The following TSPAN9 variants were observed in gnomAD, a reference collection of about 807,000 sequenced individuals.
TSPAN9 encodes the protein tetraspanin-9.
A neutral mutation model predicts 31.0 loss-of-function variants in TSPAN9; 16 were observed. The observed-to-expected ratio is 0.52, with a 90% CI of 0.35 to 0.78. TSPAN9 has a LOEUF of 0.78. Among genes scored for constraint, TSPAN9 ranks in the 30% least tolerant of loss-of-function variants. The pLI is 0.01. For missense variants in TSPAN9, 272 were observed against 312.5 expected, an observed-to-expected ratio of 0.87 and a Z score of 0.98; for synonymous variants, 145 against 121.6, an observed-to-expected ratio of 1.19 and a Z score of -1.27.
chr12:3,201,597 C>T (rs2098371871), intron 3 of TSPAN9, among the ~76,000 whole-genome samples: 1 of 152,176 alleles, frequency 6.6e-6, no homozygotes, highest in Admixed American at 6.5e-5. Context: ...TGGCTGTGGG[C>T]TCAGAATTTG....
At chr12:3,261,057 C>A (rs1419340593) in intron 3 of TSPAN9, among the ~76,000 whole-genome samples, 3 of 152,068 alleles carry the variant, frequency 2.0e-5, no homozygotes, top group East Asian at 3.9e-4. Context: ...GGTGGGGTGA[C>A]CAACCCGAAC....
chr12:3,178,158 C>T (rs1325285922), intron 2 of TSPAN9, among the ~76,000 whole-genome samples: 2 of 152,186 alleles, frequency 1.3e-5, no homozygotes, highest in Admixed American at 1.3e-4. Context: ...ACTTTCCTCA[C>T]CGTCTCCGCT....
chr12:3,223,765 G>C (rs1485541532), intron 3 of TSPAN9, among the ~76,000 whole-genome samples: 1 of 152,336 alleles, frequency 6.6e-6, no homozygotes, highest in Middle Eastern at 3.4e-3. Flanking sequence ...ACAGGGGCAT[G>C]AATTCAGCCG....
intron 3 of TSPAN9, among the ~76,000 whole-genome samples, chr12:3,232,404 CAAG>C (rs1403388541): frequency 6.6e-6 from 1 of 152,102 alleles, no homozygotes; most frequent in Non-Finnish European, 1.5e-5. Context: ...ATGGACACAG[CAAG>C]AAGGATTTGG....
intron 2 of TSPAN9, among the ~76,000 whole-genome samples, chr12:3,193,741 C>T (rs1270550364): frequency 1.3e-5 from 2 of 152,228 alleles, no homozygotes; most frequent in East Asian, 1.9e-4. Flanking sequence ...TCCGAATGGG[C>T]AGAGGTCGAG....
intron 3 of TSPAN9, among the ~76,000 whole-genome samples, chr12:3,230,310 G>A (rs1397246575): frequency 6.6e-6 from 1 of 152,118 alleles, no homozygotes; most frequent in Non-Finnish European, 1.5e-5. Flanking sequence ...GGACTTCCTG[G>A]TGTTCAGCTG....
At chr12:3,211,877 T>C in intron 3 of TSPAN9, 1 of 1,592,828 alleles carries the variant, frequency 6.3e-7, no homozygotes. Context: ...CCTCTTCTCC[T>C]CTTCTGGAGA....
chr12:3,202,125 G>GC (rs1436270998), intron 3 of TSPAN9, among the ~76,000 whole-genome samples: 6 of 152,228 alleles, frequency 3.9e-5, no homozygotes, highest in African/African-American at 1.2e-4. Context: ...GCACATATGT[G>GC]CACGTGCATA....
intron 3 of TSPAN9, among the ~76,000 whole-genome samples, chr12:3,231,466 C>T (rs55679497): frequency 0.13 from 19,792 of 152,228 alleles, 1,553 homozygotes; most frequent in East Asian, 0.24. Flanking sequence ...TGCATCAGCC[C>T]CGCGTCACTA....
At chr12:3,189,476 G>T (rs947398856) in intron 2 of TSPAN9, among the ~76,000 whole-genome samples, 2 of 152,328 alleles carry the variant, frequency 1.3e-5, no homozygotes, top group East Asian at 3.9e-4. Flanking sequence ...TGACTACAGA[G>T]GGAGAGGGTG....
intron 2 of TSPAN9, among the ~76,000 whole-genome samples, chr12:3,189,213 T>TG (rs955748937): frequency 6.6e-5 from 10 of 151,804 alleles, no homozygotes; most frequent in African/African-American, 2.4e-4. Context: ...CTGAGCAGGA[T>TG]GGGGGAGGCT....
intron 2 of TSPAN9, among the ~76,000 whole-genome samples, chr12:3,169,126 C>T (rs1010288298): frequency 2.6e-5 from 4 of 152,224 alleles, no homozygotes; most frequent in African/African-American, 9.6e-5. Context: ...ATTCTATCTT[C>T]TGCACGTGGA....
chr12:3,077,821 A>G (rs1231887359), intron 1 of TSPAN9, among the ~76,000 whole-genome samples: 1 of 152,128 alleles, frequency 6.6e-6, no homozygotes, highest in Non-Finnish European at 1.5e-5. Flanking sequence ...AGTCCATACA[A>G]GGACCCCAGA....
intron 2 of TSPAN9, among the ~76,000 whole-genome samples, chr12:3,103,421 C>G (rs537788996): frequency 6.8e-6 from 1 of 147,114 alleles, no homozygotes. Context: ...TAGCTGAACA[C>G]TCATTGAACA....
intron 2 of TSPAN9, among the ~76,000 whole-genome samples, chr12:3,093,632 T>C (rs2098306123): frequency 1.3e-5 from 2 of 151,982 alleles, no homozygotes; most frequent in Non-Finnish European, 2.9e-5. Context: ...TTAACAGATA[T>C]TTGTTGATGG....
At chr12:3,152,367 G>A (rs565268497) in intron 2 of TSPAN9, among the ~76,000 whole-genome samples, 25 of 152,302 alleles carry the variant, frequency 1.6e-4, no homozygotes, top group African/African-American at 5.5e-4. Context: ...GCATCCCACC[G>A]GCCCCTCTTT....
chr12:3,137,302 C>G (rs540299876), intron 2 of TSPAN9, among the ~76,000 whole-genome samples: 1 of 152,200 alleles, frequency 6.6e-6, no homozygotes, highest in African/African-American at 2.4e-5. Context: ...CACGTTTCCC[C>G]GGGCCACGCT....
chr12:3,084,800 A>G (rs1172906971), intron 2 of TSPAN9, among the ~76,000 whole-genome samples: 1 of 152,226 alleles, frequency 6.6e-6, no homozygotes, highest in African/African-American at 2.4e-5. Context: ...TAGCCGGAGC[A>G]GGGGCTCCAG....
chr12:3,246,581 C>A (rs1002549550), intron 3 of TSPAN9, among the ~76,000 whole-genome samples: 3 of 152,196 alleles, frequency 2.0e-5, no homozygotes, highest in East Asian at 1.9e-4. Context: ...CCCATTCCTC[C>A]CTCAGTGCCA....
Sources: gnomAD v4.1 joint callset for allele counts (sites outside exome capture counted in the v4.1 genomes callset) on GRCh38, gnomAD v4.1.1 for gene constraint, MANE v1.5 for transcripts, NCBI Gene and HGNC (gene_info 2026-07-23, HGNC 2026-07-21) for gene names.